Variants in ADAMTSL1 observed in about 807,000 individuals in gnomAD.
ADAMTSL1 encodes ADAMTS like 1.
In ADAMTSL1, 126 loss-of-function variants were observed where a neutral mutation model predicts 201.8. The observed-to-expected ratio is 0.62, with a 90% CI of 0.54 to 0.72. The LOEUF (loss-of-function observed/expected upper bound fraction) is 0.72, where lower values mean the gene tolerates loss of function less well. Among genes scored for constraint, ADAMTSL1 ranks in the 30% least tolerant of loss-of-function variants. The pLI, the probability that ADAMTSL1 is intolerant of heterozygous loss-of-function variation, is 0.00. For missense variants in ADAMTSL1, 2,679 were observed against 2,277.8 expected (o/e 1.18, Z -3.59); for synonymous variants, 1,121 against 903.4 (o/e 1.24, Z -4.32).
intron 2 of ADAMTSL1, among the ~76,000 whole-genome samples, chr9:18,198,070 A>G (rs933962413): frequency 2.0e-5 from 3 of 152,212 alleles, no homozygotes; most frequent in African/African-American, 7.2e-5. Context: ...GAAAGCTGAA[A>G]TTGGATCCCT....
In ADAMTSL1 at chr9:18,840,307, G is replaced by T. The variant is rs370316407; in HGVS notation, c.4249+10330G>T. On this transcript the variant is annotated intron_variant, in intron 23 of 28. Transcript: ENST00000380548. The stretch of plus-strand genomic sequence containing the variant: ...TTAAATAGGGAATCCTTTCCCCATT[G>T]CTTGTTTTTCTCAGGTTTGTCAAAG... 9.9e-4 allele frequency among the ~76,000 whole-genome samples: 150 copies of T among 151,966 alleles called. No individual in the cohort carries two copies. The Middle Eastern group carries it at 0.014, about 14-fold the overall frequency.
chr9:18,454,283 G>A (rs1027406830), intron 2 of ADAMTSL1, among the ~76,000 whole-genome samples: 3 of 152,128 alleles, frequency 2.0e-5, no homozygotes, highest in African/African-American at 7.2e-5. Context: ...GAAAGGAGGA[G>A]GACACTGTCC....
At chr9:18,758,527 G>A (rs573396345) in intron 16 of ADAMTSL1, among the ~76,000 whole-genome samples, 179 of 152,306 alleles carry the variant, frequency 1.2e-3, no homozygotes, top group Non-Finnish European at 1.9e-3. Flanking sequence ...GGGTCTCTTT[G>A]TCTTTTCTGG....
intron 2 of ADAMTSL1, among the ~76,000 whole-genome samples, chr9:18,171,111 C>G (rs11794582): frequency 0.035 from 5,299 of 152,044 alleles, 133 homozygotes; most frequent in Non-Finnish European, 0.057. Flanking sequence ...GAGTGTTGCT[C>G]TATTTGTTAC....
At chr9:18,291,319 C>A (rs1246572315) in intron 2 of ADAMTSL1, among the ~76,000 whole-genome samples, 1 of 152,138 alleles carries the variant, frequency 6.6e-6, no homozygotes, top group East Asian at 1.9e-4. Context: ...AGTCAGAACG[C>A]TTCAATAATA....
chr9:18,149,573 C>T (rs980232180), intron 1 of ADAMTSL1, among the ~76,000 whole-genome samples: 3 of 151,982 alleles, frequency 2.0e-5, no homozygotes, highest in Non-Finnish European at 2.9e-5. Flanking sequence ...CAGGCCCTAA[C>T]CCAGACCTCC....
At chr9:18,151,110 T>G (rs1279788765) in intron 1 of ADAMTSL1, among the ~76,000 whole-genome samples, 1 of 152,046 alleles carries the variant, frequency 6.6e-6, no homozygotes, top group Non-Finnish European at 1.5e-5. Flanking sequence ...AGTCCATCTA[T>G]TTAATGAATA....
intron 2 of ADAMTSL1, among the ~76,000 whole-genome samples, chr9:18,194,648 A>G (rs1177081688): frequency 1.3e-5 from 2 of 152,112 alleles, no homozygotes; most frequent in Non-Finnish European, 2.9e-5. Context: ...CAACAGTCCC[A>G]GCAGTGTATA....
chr9:18,845,534 C>T (rs1826050812), intron 23 of ADAMTSL1, among the ~76,000 whole-genome samples: 1 of 152,224 alleles, frequency 6.6e-6, no homozygotes, highest in African/African-American at 2.4e-5. Context: ...TTCTTAGAGC[C>T]CTTCCAGCCA....
chr9:18,841,952 C>T (rs532102467), intron 23 of ADAMTSL1, among the ~76,000 whole-genome samples: 69 of 151,768 alleles, frequency 4.5e-4, no homozygotes, highest in African/African-American at 1.1e-3. Flanking sequence ...GTCTTGCTAG[C>T]GGTCTATCAA....
intron 1 of ADAMTSL1, among the ~76,000 whole-genome samples, chr9:18,151,786 A>T (rs894079620): frequency 6.6e-6 from 1 of 152,050 alleles, no homozygotes; most frequent in Non-Finnish European, 1.5e-5. Context: ...ATACCATCAG[A>T]TAAATAATAA....
chr9:18,396,246 C>T (rs1050099513), intron 2 of ADAMTSL1, among the ~76,000 whole-genome samples: 6 of 152,170 alleles, frequency 3.9e-5, no homozygotes, highest in Non-Finnish European at 8.8e-5. Context: ...GGAGATTTAG[C>T]TCAATATGGA....
At chr9:18,600,024 C>T (rs1055226899) in intron 4 of ADAMTSL1, among the ~76,000 whole-genome samples, 16 of 143,764 alleles carry the variant, frequency 1.1e-4, no homozygotes, top group East Asian at 2.0e-4. Context: ...AAAAAAAATT[C>T]GGATCTGCAG....
intron 1 of ADAMTSL1, among the ~76,000 whole-genome samples, chr9:17,927,322 G>A (rs1826579394): frequency 6.6e-6 from 1 of 152,066 alleles, no homozygotes; most frequent in Non-Finnish European, 1.5e-5. Flanking sequence ...ATACATAAAT[G>A]CACACATACA....
chr9:18,658,903 T>A (rs1397042504), intron 8 of ADAMTSL1, among the ~76,000 whole-genome samples: 3 of 152,232 alleles, frequency 2.0e-5, no homozygotes, highest in African/African-American at 7.2e-5. Context: ...GGAGTGAGAT[T>A]GTTAGATCAA....
chr9:18,585,109 G>A (rs542059241), intron 4 of ADAMTSL1, among the ~76,000 whole-genome samples: 18 of 151,976 alleles, frequency 1.2e-4, no homozygotes, highest in Non-Finnish European at 1.6e-4. Context: ...CATTTATTTC[G>A]TAATATTTTA....
At chr9:18,740,769 G>A (rs903044872) in intron 15 of ADAMTSL1, among the ~76,000 whole-genome samples, 19 of 152,048 alleles carry the variant, frequency 1.2e-4, no homozygotes, top group African/African-American at 2.7e-4. Flanking sequence ...GAGTCACCAC[G>A]CTCGGCCTCA....
intron 2 of ADAMTSL1, among the ~76,000 whole-genome samples, chr9:18,319,182 T>C (rs1834525749): frequency 6.6e-6 from 1 of 151,968 alleles, no homozygotes; most frequent in Admixed American, 6.6e-5. Flanking sequence ...GCCTGGGCAA[T>C]AGAGTGAGAC....
intron 2 of ADAMTSL1, among the ~76,000 whole-genome samples, chr9:18,532,674 A>G (rs1014128894): frequency 1.3e-5 from 2 of 151,954 alleles, no homozygotes; most frequent in African/African-American, 2.4e-5. Flanking sequence ...TCAAAATAAT[A>G]GTGATTGTCT....
Sources: gnomAD v4.1 joint callset for allele counts (sites outside exome capture counted in the v4.1 genomes callset) on GRCh38, gnomAD v4.1.1 for gene constraint, MANE v1.5 for transcripts, NCBI Gene and HGNC (gene_info 2026-07-23, HGNC 2026-07-21) for gene names.